The following AHRR variants were observed in gnomAD, a reference collection of about 807,000 sequenced individuals.
The protein encoded by AHRR is aryl hydrocarbon receptor repressor, also known as ahR repressor.
A neutral mutation model predicts 44.0 loss-of-function variants in AHRR; 28 were observed. The ratio of observed to expected loss-of-function variants is 0.64; its 90% CI spans 0.47 to 0.87. The LOEUF is 0.87. AHRR is among the 40% of genes least tolerant of loss of function. The pLI, the probability that AHRR is intolerant of heterozygous loss-of-function variation, is 0.00. For missense variants in AHRR, 990 were observed against 953.9 expected (o/e 1.04, Z -0.50); for synonymous variants, 434 against 407.0 (o/e 1.07, Z -0.80).
chr5:402,740 A>G (rs2671901), intron 4 of AHRR, among the ~76,000 whole-genome samples: 3,870 of 152,290 alleles, frequency 0.025, 161 homozygotes, highest in African/African-American at 0.089. Context: ...CATTTACCCA[A>G]AGGAGCTGAA....
At position 415,614 on chromosome 5, in the gene AHRR, CGGG is replaced by C. The variant is rs1735746335; in HGVS notation, c.441+2182_441+2184del. On this transcript the variant is annotated intron_variant, in intron 5 of 10. Coordinates refer to ENST00000684583, the MANE Select transcript of AHRR (RefSeq NM_001377236.1). ...TAGGGGCCGAATCTGCCTGGTGGGG[CGGG>C]AGGCCTAGGGGCCGAATCTGCCTGG... Among the ~76,000 whole-genome samples, 3 of 66,330 alleles carry C rather than the reference CGGG, an allele frequency of 4.5e-5. 1 individual carries two copies. The highest frequency in any genetic ancestry group is 1.7e-4 in the African/African-American group (3 of 17,664). The allele number at this position is 66,330 out of a possible 152,430, so 43.5% of individuals were successfully genotyped here.
Position 388,414 on chromosome 5 carries a change from T to A in AHRR, c.351+11698T>A, listed in dbSNP as rs1383987673. On this transcript the variant is annotated intron_variant, in intron 4 of 10. Transcript: ENST00000684583. This position sits in a 1 kb window ranked among gnomAD's most constrained non-coding sequence, Gnocchi z 5.2. ...GAGGGTACCTGCCATTACCTCTGTT[T>A]ATGCTTGGGGAAACTGAGGTGCTGT... 6.6e-6 allele frequency among the ~76,000 whole-genome samples: 1 copy of A among 152,208 alleles called. No homozygotes were observed. Among genetic ancestry groups the A allele is most frequent in the Non-Finnish European group, 1.5e-5 (1 of 68,036 alleles).
At chr5:344,218 G>T (rs917112325) in intron 2 of AHRR, among the ~76,000 whole-genome samples, 2 of 150,772 alleles carry the variant, frequency 1.3e-5, no homozygotes, top group Non-Finnish European at 1.5e-5. Flanking sequence ...GGCGGGCACC[G>T]TGAGGCGCTG....
chr5:341,366 C>T (rs1197245869), intron 1 of AHRR, among the ~76,000 whole-genome samples: 2 of 152,156 alleles, frequency 1.3e-5, no homozygotes, highest in African/African-American at 4.8e-5. Flanking sequence ...GTGATGTCCT[C>T]TCTTTCATTC....
intron 1 of AHRR, 62 bp from the exon 2 acceptor site, chr5:343,831 T>C: frequency 1.3e-6 from 2 of 1,524,704 alleles, no homozygotes; most frequent in East Asian, 2.5e-5. Context: ...GCCCGGGGCA[T>C]CGCGGCGGGA....
At chr5:422,045 T>C (rs1386227762) in intron 5 of AHRR, among the ~76,000 whole-genome samples, 1 of 152,176 alleles carries the variant, frequency 6.6e-6, no homozygotes, top group Admixed American at 6.5e-5. Flanking sequence ...GATGCCTGAC[T>C]TTCTTCAGTT....
Position 434,923 on chromosome 5 carries a change from C to T in AHRR, c.*89C>T. 6.8e-7 allele frequency: 1 copy of T among 1,464,322 alleles called. No homozygotes were observed. The highest frequency in any genetic ancestry group is 2.2e-5 in the Admixed American group (1 of 45,676). The allele number at this position is 1,464,322 out of a possible 1,614,324, so 90.7% of individuals were successfully genotyped here. A position where few individuals can be genotyped will look rare whatever the true frequency, so the allele number is the denominator to read the frequency against. On this transcript the variant is annotated 3_prime_UTR_variant, in exon 11 of 11. Coordinates refer to ENST00000684583, the MANE Select transcript of AHRR (RefSeq NM_001377236.1). The stretch of plus-strand genomic sequence containing the variant: ...TGCCCTGCTCCTGGTCAGGCCGGAG[C>T]CCGTCCTAAGACACACGCTTTGCAG...
In AHRR at chr5:434,085, A is replaced by G; in HGVS notation, c.1345A>G (p.Ile449Val). 6.2e-7 allele frequency: 1 copy of G among 1,612,512 alleles called. No individual in the cohort carries two copies. Among genetic ancestry groups the G allele is most frequent in the Non-Finnish European group, 8.5e-7 (1 of 1,179,870 alleles). ...CCAGGGCACTTTCAGGAACTCGCCC[A>G]TCTCTCACCCGCCGAGCCCGTCCCC... ...CVQGTFRNSP[I>V]SHPPSPSPSA... The change falls in exon 11 of 11, where the codon ATC becomes GTC. Residue 449 changes from isoleucine to valine, a missense_variant. Physicochemically the swap from Ile to Val is conservative, Grantham distance 29. Coordinates refer to ENST00000684583, the MANE Select transcript of AHRR (RefSeq NM_001377236.1).
chr5:333,709 G>A (rs1742020516), intron 1 of AHRR, among the ~76,000 whole-genome samples: 1 of 151,438 alleles, frequency 6.6e-6, no homozygotes, highest in African/African-American at 2.4e-5. Flanking sequence ...TGTTTTATAA[G>A]TTATTTGTTT....
intron 4 of AHRR, among the ~76,000 whole-genome samples, chr5:408,429 C>T (rs1438040222): frequency 6.6e-6 from 1 of 150,738 alleles, no homozygotes; most frequent in Non-Finnish European, 1.5e-5. Flanking sequence ...AGGGCTTTTT[C>T]ACCATATATG....
At chr5:390,359 TAAAA>T (rs1230468518) in intron 4 of AHRR, among the ~76,000 whole-genome samples, 7 of 152,026 alleles carry the variant, frequency 4.6e-5, no homozygotes, top group Admixed American at 2.0e-4. Context: ...AAAAATTTCT[TAAAA>T]GAAAGACAAA....
At chr5:355,893 T>C (rs529715232) in intron 3 of AHRR, among the ~76,000 whole-genome samples, 1 of 152,386 alleles carries the variant, frequency 6.6e-6, no homozygotes, top group South Asian at 2.1e-4. Context: ...GTGAATTTTG[T>C]GATCCCCTTC....
chr5:434,450 G>A lies in AHRR; in HGVS notation c.1710G>A (p.Met570Ile), dbSNP rs1396835537. The change falls in exon 11 of 11, where the codon ATG becomes ATA. Residue 570 changes from methionine to isoleucine, a missense_variant. Coordinates refer to ENST00000684583, the MANE Select transcript of AHRR (RefSeq NM_001377236.1). The stretch of plus-strand genomic sequence containing the variant: ...ACCCAGCCACCTTCCCTACCAGGAT[G>A]CACCTGAAAACAGAGCCAGACTCTC... Reference protein sequence around the residue: ...RSHPATFPTRMHLKTEPDSRQ... With the variant: ...RSHPATFPTRIHLKTEPDSRQ... 6.2e-7 allele frequency: 1 copy of A among 1,613,392 alleles called. No homozygotes were observed. Among genetic ancestry groups the A allele is most frequent in the African/African-American group, 1.3e-5 (1 of 74,950 alleles).
At chr5:345,078 G>A (rs2126370764) in intron 2 of AHRR, among the ~76,000 whole-genome samples, 1 of 69,206 alleles carries the variant, frequency 1.4e-5, no homozygotes, top group Non-Finnish European at 2.8e-5. Context: ...GGATGTGTGT[G>A]TGTGTGTGTG....
chr5:411,087 A>T lies in AHRR; in HGVS notation c.352-2257A>T, dbSNP rs1034041125. Among the ~76,000 whole-genome samples the T allele has an allele frequency of 6.6e-6, 1 of 152,034 alleles. No homozygotes were observed. The highest frequency in any genetic ancestry group is 1.5e-5 in the Non-Finnish European group (1 of 68,020). On this transcript the variant is annotated intron_variant, in intron 4 of 10. Coordinates refer to ENST00000684583, the MANE Select transcript of AHRR (RefSeq NM_001377236.1). This position sits in a 1 kb window ranked among gnomAD's most constrained non-coding sequence, Gnocchi z 4.2. ...TCTTTTCAAAATTTTCAAAAATTCAAATTTTGACTCTGTTAATGGCCTTTA... is the reference window on the plus strand; with the variant it reads ...TCTTTTCAAAATTTTCAAAAATTCATATTTTGACTCTGTTAATGGCCTTTA...
In AHRR at chr5:434,759, G is replaced by T. The variant is rs546090739; in HGVS notation, c.2019G>T (p.Val673=). The part of the protein sequence containing the change: ...PQWATHSQGM[V]PGMLPKSALA... ...GGGCTACTCACAGCCAGGGAATGGT[G>T]CCCGGGATGTTGCCCAAAAGTGCCT... Residue 673 remains valine, a synonymous_variant, in exon 11 of 11, where the codon GTG becomes GTT. Transcript: ENST00000684583. The T allele has an allele frequency of 1.2e-5, 18 of 1,564,196 alleles. No individual in the cohort carries two copies. In the East Asian group the frequency reaches 4.3e-4, roughly 37 times the overall value.
chr5:376,852 T>C (rs1377095989), intron 4 of AHRR, 136 bp downstream of exon 4: 4 of 767,412 alleles, frequency 5.2e-6, no homozygotes, highest in Non-Finnish European at 8.4e-6. Flanking sequence ...GGTTTATAAC[T>C]GTCAGGAAGC....
rs751275814 is a variant in AHRR, at chr5:435,103, G to A, written c.*269G>A. 519 of 492,548 alleles carry A rather than the reference G, an allele frequency of 1.1e-3. 2 individuals carry two copies. Among genetic ancestry groups the A allele is most frequent in the Non-Finnish European group, 1.4e-3 (400 of 280,114 alleles). 30.5% of individuals were successfully genotyped at this position (492,548 alleles called of 1,614,324 possible). ...CTCTTTGAGGAATTAAAATCTTTAGGAAAGTGATCATGGCTGGACAGCTTC... is the reference window on the plus strand; with the variant it reads ...CTCTTTGAGGAATTAAAATCTTTAGAAAAGTGATCATGGCTGGACAGCTTC... On this transcript the variant is annotated 3_prime_UTR_variant, in exon 11 of 11. Transcript: ENST00000684583.
intron 1 of AHRR, among the ~76,000 whole-genome samples, chr5:328,551 G>A (rs7734933): frequency 0.38 from 58,386 of 151,862 alleles, 12,708 homozygotes; most frequent in South Asian, 0.51. Context: ...GCACCTGGCC[G>A]TCTTTTTAAT....
Sources: gnomAD v4.1 joint callset for allele counts (sites outside exome capture counted in the v4.1 genomes callset) on GRCh38, gnomAD v4.1.1 for gene constraint, Gnocchi (gnomAD v3.1) non-coding constraint, MANE v1.5 for transcripts, NCBI Gene and HGNC (gene_info 2026-07-23, HGNC 2026-07-21) for gene names.